Variants in SLC26A7 observed in about 807,000 individuals in gnomAD.
SLC26A7 encodes anion exchange transporter.
SLC26A7 carries 59 observed loss-of-function variants against 82.5 expected under a neutral mutation model. That is an observed-to-expected ratio of 0.72 (90% CI 0.58 to 0.89). The LOEUF is 0.89. Among genes scored for constraint, SLC26A7 ranks in the 40% least tolerant of loss-of-function variants. The probability of loss-of-function intolerance (pLI) is 0.00; values close to 1 mark genes in which losing one functional copy is unlikely to be tolerated. For missense variants in SLC26A7, 820 were observed against 793.0 expected (o/e 1.03, Z -0.41); for synonymous variants, 271 against 274.3 (o/e 0.99, Z 0.12).
chr8:91,268,255 A>G (rs567272704), intron 2 of SLC26A7, among the ~76,000 whole-genome samples: 7 of 151,796 alleles, frequency 4.6e-5, no homozygotes, highest in East Asian at 1.9e-4. Context: ...CTATTACTGT[A>G]TTGCAACTGA....
intron 4 of SLC26A7, among the ~76,000 whole-genome samples, chr8:91,315,558 AATGTTAGTAGCAG>A (rs1221798897): frequency 6.6e-6 from 1 of 152,138 alleles, no homozygotes; most frequent in Admixed American, 6.5e-5. Flanking sequence ...TCGCTAAAAA[AATGTTAGTAGCAG>A]AAGCTGCTGC....
chr8:91,357,144 G>A (rs1020118648), intron 11 of SLC26A7: 1 of 152,036 alleles, frequency 6.6e-6, no homozygotes, highest in Non-Finnish European at 1.5e-5. Flanking sequence ...CTTTTTCTCT[G>A]GTAGCCCATG....
intron 2 of SLC26A7, among the ~76,000 whole-genome samples, chr8:91,238,087 T>TTTTACCACTGC (rs1330085174): frequency 5.3e-5 from 8 of 152,118 alleles, no homozygotes; most frequent in African/African-American, 1.9e-4. Flanking sequence ...ATGATGTTGC[T>TTTTACCACTGC]TTTACCACTG....
At chr8:91,391,842 T>C (rs1443269736) in intron 16 of SLC26A7, among the ~76,000 whole-genome samples, 1 of 151,486 alleles carries the variant, frequency 6.6e-6, no homozygotes, top group African/African-American at 2.4e-5. Context: ...GTATGGTTTT[T>C]GTTGTTGTTG....
At chr8:91,261,069 C>A (rs912270287) in intron 2 of SLC26A7, among the ~76,000 whole-genome samples, 1 of 152,068 alleles carries the variant, frequency 6.6e-6, no homozygotes, top group Non-Finnish European at 1.5e-5. Context: ...CCAGTTACCA[C>A]AGGGAAATAA....
chr8:91,377,694 T>G (rs1353078172), intron 15 of SLC26A7, among the ~76,000 whole-genome samples: 3 of 152,182 alleles, frequency 2.0e-5, no homozygotes, highest in African/African-American at 7.2e-5. Context: ...AGGGACACCC[T>G]AAGAGTTTGG....
At chr8:91,365,948 T>C (rs528266419) in intron 13 of SLC26A7, among the ~76,000 whole-genome samples, 22 of 152,310 alleles carry the variant, frequency 1.4e-4, no homozygotes, top group African/African-American at 4.1e-4. Flanking sequence ...CATCACCAAG[T>C]GACGGGAAAA....
intron 2 of SLC26A7, among the ~76,000 whole-genome samples, chr8:91,234,627 G>T (rs945025961): frequency 2.0e-5 from 3 of 152,124 alleles, no homozygotes; most frequent in Non-Finnish European, 4.4e-5. Flanking sequence ...ATGTGATGCT[G>T]TTAAATAAAA....
At chr8:91,294,351 G>A (rs1811957627) in intron 3 of SLC26A7, among the ~76,000 whole-genome samples, 1 of 152,026 alleles carries the variant, frequency 6.6e-6, no homozygotes, top group Non-Finnish European at 1.5e-5. Flanking sequence ...GGGATTTTAG[G>A]CCAGGTTTTT....
chr8:91,249,732 G>A lies in SLC26A7; in HGVS notation c.81G>A (p.Trp27Ter), dbSNP rs771372610. Residue 27 changes from tryptophan (W) to a stop codon, truncating the protein, a stop_gained, in exon 2 of 19, where the codon TGG becomes TGA. Transcript: ENST00000276609. LOFTEE classifies it high-confidence loss of function. ...HTPQCEDIIQWCRRRLPILDW... is the reference protein window; with the variant it reads ...HTPQCEDIIQ ...CCCAGTGTGAAGACATTATACAGTG[G>A]TGTAGAAGGCGACTGCCCATTTTGG... The A allele has an allele frequency of 1.2e-6, 2 of 1,612,274 alleles. No homozygotes were observed. The highest frequency in any genetic ancestry group is 8.5e-7 in the Non-Finnish European group (1 of 1,179,068).
intron 8 of SLC26A7, 81 bp from the exon 9 acceptor site, chr8:91,343,272 C>A: frequency 1.2e-6 from 1 of 857,650 alleles, no homozygotes; most frequent in South Asian, 1.6e-5. Flanking sequence ...AAACAAGCCT[C>A]ATTATGTGAC....
At chr8:91,351,662 C>A in intron 9 of SLC26A7, 148 bp from the exon 10 acceptor site, 1 of 587,182 alleles carries the variant, frequency 1.7e-6, no homozygotes, top group Non-Finnish European at 3.0e-6. Context: ...TAGATAATGA[C>A]AGTCTAAGCA....
At chr8:91,254,035 T>C (rs903451414) in intron 2 of SLC26A7, among the ~76,000 whole-genome samples, 3 of 152,094 alleles carry the variant, frequency 2.0e-5, no homozygotes, top group African/African-American at 7.2e-5. Context: ...AAAATACAAG[T>C]AATTGATTTT....
intron 7 of SLC26A7, 26 bp downstream of exon 7, chr8:91,338,258 A>T (rs1338026542): frequency 6.5e-7 from 1 of 1,534,454 alleles, no homozygotes; most frequent in Non-Finnish European, 8.9e-7. Context: ...TTAAAAACAT[A>T]TTATTTGTTT....
intron 16 of SLC26A7, among the ~76,000 whole-genome samples, chr8:91,391,802 A>ATT (rs35320444): frequency 4.1e-5 from 6 of 145,544 alleles, no homozygotes; most frequent in Admixed American, 6.9e-5. Flanking sequence ...AAACACTAGG[A>ATT]TTTTTTTTTT....
At chr8:91,345,761 A>G (rs1020982433) in intron 9 of SLC26A7, among the ~76,000 whole-genome samples, 2 of 152,134 alleles carry the variant, frequency 1.3e-5, no homozygotes, top group Non-Finnish European at 2.9e-5. Context: ...TCCAGTTTCA[A>G]TGTGTTCCAT....
At chr8:91,365,719 C>T (rs1814173790) in intron 13 of SLC26A7, among the ~76,000 whole-genome samples, 1 of 152,126 alleles carries the variant, frequency 6.6e-6, no homozygotes, top group Non-Finnish European at 1.5e-5. Flanking sequence ...AATGAATTGT[C>T]CAAATTAGCA....
chr8:91,376,027 A>G (rs1203401241), intron 15 of SLC26A7, among the ~76,000 whole-genome samples: 1 of 152,104 alleles, frequency 6.6e-6, no homozygotes, highest in Admixed American at 6.5e-5. Context: ...GTATATTATT[A>G]AAGCTTTCAA....
intron 2 of SLC26A7, chr8:91,219,103 A>G: frequency 2.1e-6 from 1 of 485,734 alleles, no homozygotes; most frequent in East Asian, 3.4e-5. Flanking sequence ...CTCTTTGTCA[A>G]CACATTAAAT....
Sources: gnomAD v4.1 joint callset for allele counts (sites outside exome capture counted in the v4.1 genomes callset) on GRCh38, gnomAD v4.1.1 for gene constraint, MANE v1.5 for transcripts, NCBI Gene and HGNC (gene_info 2026-07-23, HGNC 2026-07-21) for gene names.